The following SHISA6 variants were observed in gnomAD, a reference collection of about 807,000 sequenced individuals.
SHISA6 encodes the protein protein shisa-6.
SHISA6 carries 22 observed loss-of-function variants against 47.9 expected under a neutral mutation model. The observed-to-expected ratio is 0.46, with a 90% CI of 0.33 to 0.66. The LOEUF is 0.66. Among genes scored for constraint, SHISA6 ranks in the 30% least tolerant of loss-of-function variants. The probability of loss-of-function intolerance (pLI) is 0.02; values close to 1 mark genes in which losing one functional copy is unlikely to be tolerated. For missense variants in SHISA6, 680 were observed against 764.6 expected, an observed-to-expected ratio of 0.89 and a Z score of 1.30; for synonymous variants, 388 against 337.8, an observed-to-expected ratio of 1.15 and a Z score of -1.63.
At chr17:11,380,268 T>A (rs1912966746) in intron 3 of SHISA6, 1 of 152,180 alleles carries the variant, frequency 6.6e-6, no homozygotes, top group South Asian at 2.1e-4. Context: ...GGGTAGTGTA[T>A]CCCTGTCTTC....
At chr17:11,244,227 G>A (rs1161914872) in intron 1 of SHISA6, among the ~76,000 whole-genome samples, 1 of 152,154 alleles carries the variant, frequency 6.6e-6, no homozygotes, top group Non-Finnish European at 1.5e-5. Context: ...TTCACCACCT[G>A]ATTTTATTCA....
chr17:11,350,402 G>C (rs1911847883), intron 2 of SHISA6, among the ~76,000 whole-genome samples: 1 of 150,760 alleles, frequency 6.6e-6, no homozygotes, highest in South Asian at 2.1e-4. Flanking sequence ...GGATGGTCTC[G>C]ATCTCCTGAC....
At chr17:11,485,390 T>C (rs1447285440) in intron 3 of SHISA6, among the ~76,000 whole-genome samples, 1 of 152,170 alleles carries the variant, frequency 6.6e-6, no homozygotes, top group African/African-American at 2.4e-5. Context: ...TGGGCAAAGC[T>C]GGGATTGCAT....
chr17:11,490,965 G>A (rs1370690699), intron 3 of SHISA6, among the ~76,000 whole-genome samples: 2 of 151,514 alleles, frequency 1.3e-5, no homozygotes, highest in Non-Finnish European at 2.9e-5. Flanking sequence ...ACAGATCTAG[G>A]AGGCAAATTC....
At chr17:11,298,283 A>G (rs189968792) in intron 2 of SHISA6, among the ~76,000 whole-genome samples, 46 of 152,282 alleles carry the variant, frequency 3.0e-4, no homozygotes, top group African/African-American at 1.1e-3. Flanking sequence ...TATGAGATCA[A>G]CCACTTCAAG....
chr17:11,308,951 G>A (rs977098314), intron 2 of SHISA6, among the ~76,000 whole-genome samples: 13 of 152,116 alleles, frequency 8.5e-5, no homozygotes, highest in African/African-American at 3.1e-4. Context: ...AGTGGAGCAC[G>A]AATCATCCAC....
intron 3 of SHISA6, among the ~76,000 whole-genome samples, chr17:11,528,551 A>C (rs909601443): frequency 5.9e-5 from 9 of 152,248 alleles, no homozygotes; most frequent in Non-Finnish European, 8.8e-5. Flanking sequence ...CCAAACAGAT[A>C]GAATAGGCAG....
intron 3 of SHISA6, among the ~76,000 whole-genome samples, chr17:11,477,519 C>A (rs1916082620): frequency 6.6e-6 from 1 of 151,724 alleles, no homozygotes; most frequent in Admixed American, 6.6e-5. Flanking sequence ...GCTGCACCCA[C>A]TAACTCGTCA....
chr17:11,447,513 T>A, intron 3 of SHISA6, among the ~76,000 whole-genome samples: 1 of 152,208 alleles, frequency 6.6e-6, no homozygotes, highest in African/African-American at 2.4e-5. Flanking sequence ...ACAGATCTTT[T>A]AATGCCAGAT....
chr17:11,298,107 A>C (rs2142175046), intron 2 of SHISA6, among the ~76,000 whole-genome samples: 1 of 152,352 alleles, frequency 6.6e-6, no homozygotes, highest in Non-Finnish European at 1.5e-5. Context: ...TAATTTATGT[A>C]ATATTTTGAA....
intron 3 of SHISA6, among the ~76,000 whole-genome samples, chr17:11,458,152 G>T (rs1915598307): frequency 6.6e-6 from 1 of 151,532 alleles, no homozygotes; most frequent in South Asian, 2.1e-4. Flanking sequence ...GTTAAGAATT[G>T]CCTTAAATAC....
intron 1 of SHISA6, among the ~76,000 whole-genome samples, chr17:11,251,148 G>A (rs1427480902): frequency 1.3e-5 from 2 of 152,028 alleles, no homozygotes; most frequent in African/African-American, 4.8e-5. Flanking sequence ...TGAATGTAAT[G>A]GAGTCAGTGA....
At chr17:11,344,734 G>A (rs1911640730) in intron 2 of SHISA6, among the ~76,000 whole-genome samples, 1 of 152,090 alleles carries the variant, frequency 6.6e-6, no homozygotes, top group Admixed American at 6.5e-5. Context: ...GATCAAATCA[G>A]GGTAATTAGC....
chr17:11,334,638 G>A (rs1434089701), intron 2 of SHISA6, among the ~76,000 whole-genome samples: 1 of 152,174 alleles, frequency 6.6e-6, no homozygotes. Context: ...GATGCCTATC[G>A]GGGGGAGGGA....
chr17:11,492,542 T>C lies in SHISA6; in HGVS notation c.896-59354T>C, dbSNP rs1186094620. Among the ~76,000 whole-genome samples the C allele has an allele frequency of 5.9e-5, 9 of 152,334 alleles. No homozygotes were observed. The East Asian group carries it at 1.5e-3, about 26-fold the overall frequency. On this transcript the variant is annotated intron_variant, in intron 3 of 5. Transcript: ENST00000441885. ...GTTGTCAATCATAAAATTAGGATGA[T>C]GATGGATTCTTCTCAAGGTTGTTGT...
At chr17:11,257,847 GA>G (rs1174634750) in intron 1 of SHISA6, among the ~76,000 whole-genome samples, 9 of 151,932 alleles carry the variant, frequency 5.9e-5, no homozygotes, top group Admixed American at 5.9e-4. Context: ...TTACCTAAAG[GA>G]AACAAAAACA....
At chr17:11,466,784 T>C (rs1915819634) in intron 3 of SHISA6, among the ~76,000 whole-genome samples, 1 of 152,214 alleles carries the variant, frequency 6.6e-6, no homozygotes, top group Non-Finnish European at 1.5e-5. Context: ...TGGAAATTCA[T>C]TGGCAATTGC....
At chr17:11,491,929 A>G (rs1916495928) in intron 3 of SHISA6, among the ~76,000 whole-genome samples, 1 of 151,786 alleles carries the variant, frequency 6.6e-6, no homozygotes, top group South Asian at 2.1e-4. Flanking sequence ...GCACCACCAC[A>G]CCCAGCAAGT....
chr17:11,372,599 T>C (rs1318282814), intron 2 of SHISA6, among the ~76,000 whole-genome samples: 1 of 152,180 alleles, frequency 6.6e-6, no homozygotes, highest in African/African-American at 2.4e-5. Flanking sequence ...TTTAATGTGT[T>C]TTTTCTAGTT....
Sources: gnomAD v4.1 joint callset for allele counts (sites outside exome capture counted in the v4.1 genomes callset) on GRCh38, gnomAD v4.1.1 for gene constraint, MANE v1.5 for transcripts, NCBI Gene and HGNC (gene_info 2026-07-23, HGNC 2026-07-21) for gene names.